Variants in EYA4 observed in about 807,000 individuals in gnomAD.
The protein encoded by EYA4 is EYA transcriptional coactivator and phosphatase 4, also known as protein phosphatase EYA4.
A neutral mutation model predicts 87.9 loss-of-function variants in EYA4; 31 were observed. The observed-to-expected ratio is 0.35, with a 90% CI of 0.27 to 0.48. The LOEUF is 0.48. EYA4 is among the 20% of genes least tolerant of loss of function. EYA4 has a pLI of 0.99. For synonymous variants in EYA4, 263 were observed against 270.6 expected (o/e 0.97, Z 0.28); for missense variants, 678 against 761.4 (o/e 0.89, Z 1.29).
intron 2 of EYA4, among the ~76,000 whole-genome samples, chr6:133,275,199 T>C (rs972117023): frequency 3.3e-5 from 5 of 152,202 alleles, no homozygotes; most frequent in African/African-American, 1.2e-4. Context: ...TGCTTGTTAG[T>C]CATTTTAAGG....
rs1437162028 is a variant in EYA4, at chr6:133,336,738, T to C, written c.34-45654T>C. ...GGTGAAATCTGACATATGCAACTTA[T>C]TTCCAAACGATTTAAAAGCAATGAT... On this transcript the variant is annotated intron_variant, in intron 2 of 19. Coordinates refer to ENST00000355286, the MANE Select transcript of EYA4 (RefSeq NM_004100.5). 4.6e-5 allele frequency among the ~76,000 whole-genome samples: 7 copies of C among 152,336 alleles called. No individual in the cohort carries two copies. In the East Asian group the frequency reaches 1.3e-3, roughly 29 times the overall value.
intron 3 of EYA4, among the ~76,000 whole-genome samples, chr6:133,425,395 C>A (rs1486764389): frequency 1.3e-5 from 2 of 150,194 alleles, no homozygotes; most frequent in Non-Finnish European, 2.9e-5. Flanking sequence ...GAATGGAAAT[C>A]AGTAATATAA....
chr6:133,468,554 T>C lies in EYA4; in HGVS notation c.805-12T>C, dbSNP rs375862613. On this transcript the variant is annotated splice_polypyrimidine_tract_variant and intron_variant, in intron 10 of 19. Coordinates refer to ENST00000355286, the MANE Select transcript of EYA4 (RefSeq NM_004100.5). ...TCTCTTTCAAACACACACATCTCAATTATTGTTTCAGGATTATCCATCCTA... is the reference window on the plus strand; with the variant it reads ...TCTCTTTCAAACACACACATCTCAACTATTGTTTCAGGATTATCCATCCTA... 4.0e-5 allele frequency: 64 copies of C among 1,598,840 alleles called. No individual in the cohort carries two copies. The highest frequency in any genetic ancestry group is 5.3e-5 in the Non-Finnish European group (62 of 1,166,944).
At position 133,529,299 on chromosome 6, in the gene EYA4, G is replaced by A. The variant is rs1473851274; in HGVS notation, c.*494G>A. ...AGACATGTAATTTGTGTAAATTATTGATGAAAATAATTTACTGTGACTTTA... is the reference window on the plus strand; with the variant it reads ...AGACATGTAATTTGTGTAAATTATTAATGAAAATAATTTACTGTGACTTTA... On this transcript the variant is annotated 3_prime_UTR_variant, in exon 20 of 20. Transcript: ENST00000355286. 74 of 988,232 alleles carry A rather than the reference G, an allele frequency of 7.5e-5. No individual in the cohort carries two copies. Among genetic ancestry groups the A allele is most frequent in the Non-Finnish European group, 8.1e-5 (67 of 830,380 alleles). 61.2% of individuals were successfully genotyped at this position (988,232 alleles called of 1,614,324 possible). A position where few individuals can be genotyped will look rare whatever the true frequency, so the allele number is the denominator to read the frequency against.
intron 1 of EYA4, among the ~76,000 whole-genome samples, chr6:133,266,990 A>G (rs1776275780): frequency 6.6e-6 from 1 of 152,210 alleles, no homozygotes; most frequent in Admixed American, 6.5e-5. Context: ...ATAGGTAAAT[A>G]AGACAAACAT....
At chr6:133,364,980 A>G (rs988063129) in intron 2 of EYA4, among the ~76,000 whole-genome samples, 31 of 152,162 alleles carry the variant, frequency 2.0e-4, no homozygotes, top group Admixed American at 5.2e-4. Flanking sequence ...ATCTAGAACT[A>G]TTTTGAAAAT....
intron 3 of EYA4, among the ~76,000 whole-genome samples, chr6:133,408,140 T>C (rs1043949651): frequency 6.6e-6 from 1 of 152,214 alleles, no homozygotes; most frequent in Admixed American, 6.5e-5. Context: ...ACTTCAAGGT[T>C]GTTACTAAAC....
intron 2 of EYA4, among the ~76,000 whole-genome samples, chr6:133,309,423 G>GGCAA (rs1562274002): frequency 6.6e-6 from 1 of 151,892 alleles, no homozygotes; most frequent in Non-Finnish European, 1.5e-5. Context: ...TTATTAGGCA[G>GGCAA]TTATGGCTTC....
chr6:133,429,127 A>G (rs984209132), intron 3 of EYA4, among the ~76,000 whole-genome samples: 1 of 151,610 alleles, frequency 6.6e-6, no homozygotes, highest in African/African-American at 2.4e-5. Flanking sequence ...GGGTTTCACC[A>G]TGTCAGTCAG....
At chr6:133,336,109 G>C (rs548364627) in intron 2 of EYA4, among the ~76,000 whole-genome samples, 2 of 152,046 alleles carry the variant, frequency 1.3e-5, no homozygotes, top group South Asian at 4.2e-4. Flanking sequence ...AAGAATGATG[G>C]GGTGTCACCA....
At chr6:133,262,320 A>T (rs2128244100) in intron 1 of EYA4, among the ~76,000 whole-genome samples, 1 of 152,370 alleles carries the variant, frequency 6.6e-6, no homozygotes, top group Non-Finnish European at 1.5e-5. Flanking sequence ...CAGGAGAGCC[A>T]GCTAGATGAA....
At chr6:133,340,767 G>A (rs1782721312) in intron 2 of EYA4, among the ~76,000 whole-genome samples, 1 of 152,176 alleles carries the variant, frequency 6.6e-6, no homozygotes, top group African/African-American at 2.4e-5. Context: ...GCCTTTTGCT[G>A]TGAGTCATAT....
intron 11 of EYA4, among the ~76,000 whole-genome samples, chr6:133,469,560 G>A (rs1261000877): frequency 6.6e-6 from 1 of 151,914 alleles, no homozygotes; most frequent in Non-Finnish European, 1.5e-5. Context: ...CTAGAAAATG[G>A]ATTTTTGAAT....
At chr6:133,453,416 A>T (rs951915976) in intron 5 of EYA4, among the ~76,000 whole-genome samples, 2 of 152,034 alleles carry the variant, frequency 1.3e-5, no homozygotes, top group African/African-American at 2.4e-5. Context: ...ATACTAGTTA[A>T]CTGTTATATA....
chr6:133,332,087 C>T (rs756149475), intron 2 of EYA4, among the ~76,000 whole-genome samples: 9 of 152,154 alleles, frequency 5.9e-5, no homozygotes, highest in Admixed American at 4.6e-4. Context: ...TAGCTCTCTG[C>T]GTGGTCACCA....
chr6:133,441,262 A>T (rs1792257463), intron 3 of EYA4, among the ~76,000 whole-genome samples: 1 of 152,142 alleles, frequency 6.6e-6, no homozygotes, highest in Admixed American at 6.5e-5. Context: ...ATATGCTGTT[A>T]AGTCCACTCA....
At chr6:133,242,233 A>G (rs1206174785) in intron 1 of EYA4, among the ~76,000 whole-genome samples, 1 of 152,088 alleles carries the variant, frequency 6.6e-6, no homozygotes, top group East Asian at 1.9e-4. Flanking sequence ...AGTCCTTCGG[A>G]GGGTCACAGG....
chr6:133,249,486 C>T (rs1456554302), intron 1 of EYA4, among the ~76,000 whole-genome samples: 2 of 152,262 alleles, frequency 1.3e-5, no homozygotes, highest in African/African-American at 4.8e-5. Context: ...TGCCTGCTGC[C>T]TATAGGGCAA....
intron 3 of EYA4, among the ~76,000 whole-genome samples, chr6:133,404,060 C>T (rs1027368057): frequency 2.0e-5 from 3 of 152,212 alleles, no homozygotes; most frequent in East Asian, 1.9e-4. Context: ...GTGATCCACC[C>T]GCCTCAGCCT....
Sources: allele counts gnomAD v4.1 joint callset (sites outside exome capture counted in the v4.1 genomes callset), GRCh38; gene constraint gnomAD v4.1.1; transcripts MANE v1.5; gene names NCBI Gene and HGNC (gene_info 2026-07-23, HGNC 2026-07-21).